MARCHF1: variants seen among roughly 807,000 people sequenced by gnomAD.
MARCHF1 encodes the protein membrane associated ring-CH-type finger 1.
Under a neutral mutation model 54.2 loss-of-function variants are expected in MARCHF1, and 40 were observed. The ratio of observed to expected loss-of-function variants is 0.74; its 90% confidence interval spans 0.57 to 0.96. The LOEUF (loss-of-function observed/expected upper bound fraction) is 0.96, where lower values mean the gene tolerates loss of function less well. Among genes scored for constraint, MARCHF1 ranks in the 40% least tolerant of loss-of-function variants. The pLI is 0.00. For missense variants in MARCHF1, 586 were observed against 656.5 expected, an observed-to-expected ratio of 0.89 and a Z score of 1.17; for synonymous variants, 236 against 236.3, an observed-to-expected ratio of 1.00 and a Z score of 0.01.
intron 4 of MARCHF1, among the ~76,000 whole-genome samples, chr4:163,808,509 G>A (rs1029859966): frequency 1.3e-5 from 2 of 152,072 alleles, no homozygotes; most frequent in South Asian, 4.1e-4. Context: ...GTACAAATGA[G>A]GCCTGTGCTC....
intron 1 of MARCHF1, among the ~76,000 whole-genome samples, chr4:164,124,883 G>T (rs549356430): frequency 6.6e-6 from 1 of 151,910 alleles, no homozygotes; most frequent in East Asian, 1.9e-4. Context: ...AGCACAATAG[G>T]GTAACTATAG....
intron 5 of MARCHF1, among the ~76,000 whole-genome samples, chr4:163,635,932 G>C (rs1488648563): frequency 6.6e-6 from 1 of 152,160 alleles, no homozygotes; most frequent in Non-Finnish European, 1.5e-5. Flanking sequence ...ATGCAAGGTT[G>C]GTTCAATATA....
At chr4:163,599,173 C>T (rs1225253055) in intron 7 of MARCHF1, among the ~76,000 whole-genome samples, 1 of 152,048 alleles carries the variant, frequency 6.6e-6, no homozygotes, top group Non-Finnish European at 1.5e-5. Flanking sequence ...CCTGTAATCC[C>T]AGCTACTTGG....
At chr4:163,853,259 G>C in intron 4 of MARCHF1, among the ~76,000 whole-genome samples, 1 of 151,834 alleles carries the variant, frequency 6.6e-6, no homozygotes, top group Non-Finnish European at 1.5e-5. Flanking sequence ...TAATAAATCA[G>C]GCTAATCAAA....
intron 5 of MARCHF1, among the ~76,000 whole-genome samples, chr4:163,692,750 G>A (rs1211752480): frequency 6.6e-6 from 1 of 151,252 alleles, no homozygotes; most frequent in Non-Finnish European, 1.5e-5. Context: ...TTTCCACCAT[G>A]TCACCATTTA....
rs114275007 is a variant in MARCHF1, at chr4:164,368,411, C to T, written c.-323+15459G>A. ...TATCTTGAATTAGTAACTTAAAATA[C>T]ACCAATACTAGAAGGTTTTATAGGG... On this transcript the variant is annotated intron_variant, in intron 1 of 9. Transcript: ENST00000514618. 6.5e-3 allele frequency among the ~76,000 whole-genome samples: 991 copies of T among 151,816 alleles called. 1 individual carries two copies. Among genetic ancestry groups the T allele is most frequent in the Non-Finnish European group, 0.011 (752 of 67,874 alleles).
intron 2 of MARCHF1, among the ~76,000 whole-genome samples, chr4:164,015,355 A>T (rs940361426): frequency 2.0e-5 from 3 of 152,204 alleles, no homozygotes; most frequent in Non-Finnish European, 4.4e-5. Context: ...AAACTACCAG[A>T]AGAAAACACT....
chr4:163,989,286 TGAGA>T lies in MARCHF1; in HGVS notation c.-247-581_-247-578del, dbSNP rs35987221. 1.9e-3 allele frequency among the ~76,000 whole-genome samples: 280 copies of T among 144,086 alleles called. 2 individuals carry two copies. Among genetic ancestry groups the T allele is most frequent in the Middle Eastern group, 3.5e-3 (1 of 282 alleles). 94.5% of individuals were successfully genotyped at this position (144,086 alleles called of 152,430 possible). On this transcript the variant is annotated intron_variant, in intron 2 of 9. Transcript: ENST00000514618. ...CATCGCATGAGATCGAATGAGGTGT[TGAGA>T]GAGAGAGAGAGAGAGAGAGAGAGAA...
chr4:164,170,703 G>A (rs1730502507), intron 1 of MARCHF1, among the ~76,000 whole-genome samples: 3 of 152,038 alleles, frequency 2.0e-5, no homozygotes, highest in Admixed American at 1.3e-4. Context: ...GAGTAGGGAA[G>A]GGCAGAGTCA....
chr4:163,581,529 C>T (rs76623358), intron 8 of MARCHF1, among the ~76,000 whole-genome samples: 1,641 of 152,196 alleles, frequency 0.011, 13 homozygotes, highest in Middle Eastern at 0.024. Context: ...ATAAGACATC[C>T]GGATCATCAA....
intron 2 of MARCHF1, among the ~76,000 whole-genome samples, chr4:164,097,620 T>C (rs914328717): frequency 6.7e-6 from 1 of 148,970 alleles, no homozygotes. Flanking sequence ...TGTATTTAAG[T>C]ATATGTATTA....
intron 5 of MARCHF1, among the ~76,000 whole-genome samples, chr4:163,656,130 T>C (rs1284268724): frequency 6.7e-6 from 1 of 148,460 alleles, no homozygotes; most frequent in Non-Finnish European, 1.5e-5. Context: ...TGTTTTTTTT[T>C]TGAAAAAAAT....
intron 4 of MARCHF1, among the ~76,000 whole-genome samples, chr4:163,811,978 G>C (rs554657689): frequency 1.5e-4 from 23 of 152,252 alleles, no homozygotes; most frequent in African/African-American, 5.1e-4. Flanking sequence ...CCCCAATGTG[G>C]TGGACATCAT....
In MARCHF1 at chr4:163,676,401, T is replaced by A. The variant is rs1006372920; in HGVS notation, c.162+24412A>T. On this transcript the variant is annotated intron_variant, in intron 5 of 9. Transcript: ENST00000514618. ...AGAAGATTAAGAAAACATACTATGG[T>A]TCTTCAGCTGAGATCAAGCAGCATA... 2.6e-5 allele frequency among the ~76,000 whole-genome samples: 4 copies of A among 151,174 alleles called. No homozygotes were observed. The South Asian group carries it at 8.4e-4, about 32-fold the overall frequency.
intron 7 of MARCHF1, among the ~76,000 whole-genome samples, chr4:163,600,871 G>A (rs1021550221): frequency 1.1e-4 from 17 of 152,094 alleles, no homozygotes; most frequent in Non-Finnish European, 1.8e-4. Flanking sequence ...ACTAAAATCC[G>A]TCGCCAAACA....
chr4:164,020,048 C>T (rs1753628387), intron 2 of MARCHF1, among the ~76,000 whole-genome samples: 1 of 152,186 alleles, frequency 6.6e-6, no homozygotes, highest in African/African-American at 2.4e-5. Flanking sequence ...GAGAAGCAAT[C>T]TTCCTTGCAA....
intron 1 of MARCHF1, among the ~76,000 whole-genome samples, chr4:164,276,571 A>C (rs1733887938): frequency 6.6e-6 from 1 of 151,138 alleles, no homozygotes. Flanking sequence ...AATTACAATG[A>C]TATAACATAA....
intron 1 of MARCHF1, among the ~76,000 whole-genome samples, chr4:164,345,384 T>A (rs1188858636): frequency 6.6e-6 from 1 of 151,918 alleles, no homozygotes; most frequent in East Asian, 1.9e-4. Flanking sequence ...CTGGGGAACA[T>A]GGTGAATCCC....
chr4:164,289,538 T>C (rs568259249), intron 1 of MARCHF1, among the ~76,000 whole-genome samples: 2 of 149,570 alleles, frequency 1.3e-5, no homozygotes, highest in East Asian at 2.0e-4. Context: ...AGGAGGTGAG[T>C]TGTCACAGCA....
Sources: allele counts gnomAD v4.1 joint callset (sites outside exome capture counted in the v4.1 genomes callset), GRCh38; gene constraint gnomAD v4.1.1; transcripts MANE v1.5; gene names NCBI Gene and HGNC (gene_info 2026-07-23, HGNC 2026-07-21).